The following ATAD2 variants were observed in gnomAD, a reference collection of about 807,000 sequenced individuals.
The protein encoded by ATAD2 is ATPase family AAA domain-containing protein 2.
ATAD2 carries 62 observed loss-of-function variants against 168.9 expected under a neutral mutation model. That is an observed-to-expected ratio of 0.37 (90% CI 0.30 to 0.45). ATAD2 has a LOEUF of 0.45. Ranked by LOEUF, ATAD2 falls within the 20% of genes least tolerant of loss-of-function variation. The pLI is 1.00. For synonymous variants in ATAD2, 613 were observed against 571.6 expected, an observed-to-expected ratio of 1.07 and a Z score of -1.03; for missense variants, 1,419 against 1,667.8, an observed-to-expected ratio of 0.85 and a Z score of 2.60.
At position 123,361,588 on chromosome 8, in the gene ATAD2, G is replaced by C; in HGVS notation, c.1108C>G (p.Gln370Glu). 2.5e-6 allele frequency: 4 copies of C among 1,613,456 alleles called. No individual in the cohort carries two copies. Among genetic ancestry groups the C allele is most frequent in the Non-Finnish European group, 3.4e-6 (4 of 1,179,582 alleles). Reference sequence around the variant, plus strand: ...CTTTTCCTCCGCCTCTCAAAGTGCTGTTCATCTTCAGAGGAGGAAGATGAA... The same window carrying C: ...CTTTTCCTCCGCCTCTCAAAGTGCTCTTCATCTTCAGAGGAGGAAGATGAA... ...STSSSSSEDE[Q>E]HFERRRKRSR... Residue 370 changes from glutamine to glutamate, a missense_variant, in exon 9 of 28, where the codon CAG (glutamine) becomes GAG (glutamate). Gln to Glu is a conservative substitution (Grantham distance 29). Transcript: ENST00000287394.
Position 123,328,402 on chromosome 8 carries a change from C to G in ATAD2, c.3656G>C (p.Gly1219Ala), listed in dbSNP as rs768951188. The part of the protein sequence containing the change: ...SVDHNETGNT[G>A]ESSVEENEKQ... The stretch of plus-strand genomic sequence containing the variant: ...TTCATTTTCTTCCACCGAAGACTCT[C>G]CTGTGTTTCCGGTCTCATTATGATC... Residue 1219 changes from glycine (G) to alanine (A), a missense_variant, in exon 25 of 28, where the codon GGA (glycine) becomes GCA (alanine). By Grantham distance (60) the Gly-to-Ala change is moderately conservative. Transcript: ENST00000287394. The G allele has an allele frequency of 6.4e-7, 1 of 1,555,426 alleles. No homozygotes were observed. The highest frequency in any genetic ancestry group is 8.7e-7 in the Non-Finnish European group (1 of 1,149,940).
chr8:123,413,233 C>CG (rs1350296743), intron 1 of ATAD2, among the ~76,000 whole-genome samples: 1 of 150,408 alleles, frequency 6.6e-6, no homozygotes, highest in Non-Finnish European at 1.5e-5. Flanking sequence ...CGCCCCCCCC[C>CG]CCCCAACTCC....
chr8:123,401,647 G>T, intron 1 of ATAD2: 1 of 841,106 alleles, frequency 1.2e-6, no homozygotes, highest in African/African-American at 1.7e-5. Flanking sequence ...ACTTTGGTGT[G>T]CCCATCATAG....
intron 2 of ATAD2, among the ~76,000 whole-genome samples, chr8:123,373,662 G>A (rs751422420): frequency 1.3e-5 from 2 of 151,734 alleles, no homozygotes; most frequent in African/African-American, 2.4e-5. Flanking sequence ...GGTGGCAGGC[G>A]CCTGTAGTCC....
chr8:123,380,865 A>C lies in ATAD2; in HGVS notation c.172-188T>G. 6.9e-6 allele frequency: 4 copies of C among 582,246 alleles called. No individual in the cohort carries two copies. The South Asian group carries it at 8.8e-5, about 13-fold the overall frequency. The allele number at this position is 582,246 out of a possible 1,614,324, so 36.1% of individuals were successfully genotyped here. On this transcript the variant is annotated intron_variant, in intron 1 of 27. Coordinates refer to ENST00000287394, the MANE Select transcript of ATAD2 (RefSeq NM_014109.4). ...ATTTCATGATAAACAAATATCAGCA[A>C]TGTCTATGAAGCAGCTAATATAAGA...
chr8:123,322,845 C>G lies in ATAD2; in HGVS notation c.4131+93G>C, dbSNP rs1001820865. On this transcript the variant is annotated intron_variant, in intron 27 of 27. Coordinates refer to ENST00000287394, the MANE Select transcript of ATAD2 (RefSeq NM_014109.4). ...TTAAGTTCCTACAATCAGTTTCTTA[C>G]ACAGATTAAATAAAGCCTCAACAAT... 4.5e-6 allele frequency: 6 copies of G among 1,337,058 alleles called. No individual in the cohort carries two copies. In the Admixed American group the frequency reaches 1.4e-4, roughly 32 times the overall value. The allele number at this position is 1,337,058 out of a possible 1,614,324, so 82.8% of individuals were successfully genotyped here.
chr8:123,410,653 C>T lies in ATAD2; in HGVS notation c.-2282+5595G>A, dbSNP rs575564702. ...TTCCTGGGCAACCCCCTTTGGGTCCCCTCCCTTTGCATGGGAGCTCTGTTT... is the reference window on the plus strand; with the variant it reads ...TTCCTGGGCAACCCCCTTTGGGTCCTCTCCCTTTGCATGGGAGCTCTGTTT... On this transcript the variant is annotated intron_variant, in intron 1 of 28. Transcript: ENST00000521903. 9.9e-5 allele frequency among the ~76,000 whole-genome samples: 15 copies of T among 152,246 alleles called. No homozygotes were observed. In the South Asian group the frequency reaches 2.9e-3, roughly 30 times the overall value.
intron 13 of ATAD2, among the ~76,000 whole-genome samples, chr8:123,353,338 T>C (rs2131346545): frequency 6.6e-6 from 1 of 152,260 alleles, no homozygotes; most frequent in Non-Finnish European, 1.5e-5. Flanking sequence ...CACTCCAGCC[T>C]GGGTGACAGA....
intron 24 of ATAD2, among the ~76,000 whole-genome samples, chr8:123,333,233 A>AC (rs1827825374): frequency 1.5e-5 from 1 of 67,604 alleles, no homozygotes; most frequent in Non-Finnish European, 2.8e-5. Flanking sequence ...TAAAAATACA[A>AC]AAAAAAAAAA....
chr8:123,411,790 T>G lies in ATAD2; in HGVS notation c.-2282+4458A>C, dbSNP rs1197252685. ...AAAAATAAATAAATAAATAAACAAA[T>G]AAAAAGTAATTCCTGCTTATAATAG... On this transcript the variant is annotated intron_variant, in intron 1 of 28. Coordinates refer to the ATAD2 transcript ENST00000521903. Among the ~76,000 whole-genome samples the G allele has an allele frequency of 2.0e-5, 3 of 150,616 alleles. No individual in the cohort carries two copies. In the East Asian group the frequency reaches 5.9e-4, roughly 29 times the overall value.
At chr8:123,413,835 C>T (rs180723012) in intron 1 of ATAD2, among the ~76,000 whole-genome samples, 33 of 152,170 alleles carry the variant, frequency 2.2e-4, no homozygotes, top group Non-Finnish European at 3.7e-4. Context: ...ACAGAGTGTA[C>T]ATACATCTTG....
At chr8:123,364,739 A>C (rs1828920174) in intron 8 of ATAD2, among the ~76,000 whole-genome samples, 1 of 152,160 alleles carries the variant, frequency 6.6e-6, no homozygotes, top group Non-Finnish European at 1.5e-5. Context: ...TTTATGATTA[A>C]AGCTCTCAGC....
At chr8:123,373,225 C>T (rs921260930) in intron 2 of ATAD2, among the ~76,000 whole-genome samples, 4 of 149,326 alleles carry the variant, frequency 2.7e-5, no homozygotes, top group African/African-American at 7.5e-5. Flanking sequence ...AGAGATGGGG[C>T]GGGGGGGGTC....
chr8:123,367,272 C>T (rs964915723), intron 8 of ATAD2, among the ~76,000 whole-genome samples: 3 of 152,032 alleles, frequency 2.0e-5, no homozygotes, highest in Admixed American at 6.6e-5. Context: ...AAAAAATTAG[C>T]GGGGCATGGT....
chr8:123,342,330 C>T (rs1687415165), intron 19 of ATAD2: 2 of 151,976 alleles, frequency 1.3e-5, no homozygotes, highest in Non-Finnish European at 2.9e-5. Context: ...TTCAAATATA[C>T]AAAGACTTGT....
In ATAD2 at chr8:123,388,976, T is replaced by C. The variant is rs554576813; in HGVS notation, c.171+7211A>G. Reference sequence around the variant, plus strand: ...CTTTGCTGTTTTCTTCTCTCTCTTTTTTTTTTTTGACACAGAGTCTCGCCC... The same window carrying C: ...CTTTGCTGTTTTCTTCTCTCTCTTTCTTTTTTTTGACACAGAGTCTCGCCC... On this transcript the variant is annotated intron_variant, in intron 1 of 27. Coordinates refer to ENST00000287394, the MANE Select transcript of ATAD2 (RefSeq NM_014109.4). Among the ~76,000 whole-genome samples, 1,365 of 151,616 alleles carry C rather than the reference T, an allele frequency of 9.0e-3. 25 individuals carry two copies. The highest frequency in any genetic ancestry group is 0.031 in the African/African-American group (1,295 of 41,342).
intron 1 of ATAD2, among the ~76,000 whole-genome samples, chr8:123,413,224 G>GGCCCC (rs1813187381): frequency 7.7e-6 from 1 of 129,808 alleles, no homozygotes; most frequent in Admixed American, 7.8e-5. Flanking sequence ...TCTAATGAGC[G>GGCCCC]CCCCCCCCCC....
At chr8:123,407,940 A>C (rs1813089893) in intron 1 of ATAD2, among the ~76,000 whole-genome samples, 1 of 152,206 alleles carries the variant, frequency 6.6e-6, no homozygotes. Context: ...TGTGCTACAG[A>C]AACGAGGCTC....
intron 8 of ATAD2, among the ~76,000 whole-genome samples, chr8:123,367,573 C>G (rs560635875): frequency 6.6e-6 from 1 of 152,106 alleles, no homozygotes. Flanking sequence ...GAACACTATA[C>G]CTTCCTCTCC....
Sources: gnomAD v4.1 joint callset for allele counts (sites outside exome capture counted in the v4.1 genomes callset) on GRCh38, gnomAD v4.1.1 for gene constraint, MANE v1.5 for transcripts, NCBI Gene and HGNC (gene_info 2026-07-23, HGNC 2026-07-21) for gene names.